Variants in FAM81A observed in about 807,000 individuals in gnomAD.
FAM81A encodes the protein family with sequence similarity 81 member A, also known as protein FAM81A.
A neutral mutation model predicts 46.7 loss-of-function variants in FAM81A; 19 were observed. That is an observed-to-expected ratio of 0.41 (90% CI 0.28 to 0.60). The LOEUF (loss-of-function observed/expected upper bound fraction) is 0.60. Among genes scored for constraint, FAM81A ranks in the 20% least tolerant of loss-of-function variants. FAM81A has a pLI of 0.34. For synonymous variants in FAM81A, 183 were observed against 152.9 expected (o/e 1.20, Z -1.45); for missense variants, 377 against 453.5 (o/e 0.83, Z 1.53).
chr15:59,478,710 A>G (rs1407114048), intron 3 of FAM81A, among the ~76,000 whole-genome samples: 1 of 152,076 alleles, frequency 6.6e-6, no homozygotes, highest in Admixed American at 6.5e-5. Flanking sequence ...TTCGGGGGAG[A>G]AGACAGTAAA....
intron 8 of FAM81A, among the ~76,000 whole-genome samples, chr15:59,517,261 C>T (rs932392187): frequency 8.5e-5 from 13 of 152,118 alleles, no homozygotes; most frequent in Non-Finnish European, 7.3e-5. Context: ...GTCAGCAGGG[C>T]GCATTAATTC....
At chr15:59,467,919 G>A (rs2081635321) in intron 3 of FAM81A, among the ~76,000 whole-genome samples, 4 of 152,134 alleles carry the variant, frequency 2.6e-5, no homozygotes, top group South Asian at 4.2e-4. Context: ...TTAGCACGAC[G>A]GGCTGTTGAA....
intron 8 of FAM81A, among the ~76,000 whole-genome samples, chr15:59,518,324 T>TA (rs1200596572): frequency 7.3e-5 from 11 of 151,340 alleles, no homozygotes; most frequent in African/African-American, 2.7e-4. Context: ...TTTTGGAAAT[T>TA]AAAAAAAATG....
intron 3 of FAM81A, among the ~76,000 whole-genome samples, chr15:59,490,130 C>A (rs1164371107): frequency 2.7e-5 from 4 of 150,526 alleles, no homozygotes; most frequent in Non-Finnish European, 4.4e-5. Flanking sequence ...AAAAAAAAAA[C>A]TTAAATCTAA....
chr15:59,488,144 A>G (rs2141739938), intron 3 of FAM81A, among the ~76,000 whole-genome samples: 1 of 152,334 alleles, frequency 6.6e-6, no homozygotes, highest in African/African-American at 2.4e-5. Flanking sequence ...GTGATACATC[A>G]TATCAACAAA....
At chr15:59,487,178 AT>A (rs1351013415) in intron 3 of FAM81A, among the ~76,000 whole-genome samples, 1 of 147,000 alleles carries the variant, frequency 6.8e-6, no homozygotes, top group African/African-American at 2.5e-5. Context: ...TCCTGAATAT[AT>A]ATATATATTT....
At chr15:59,413,024 G>A (rs1377132814) in intron 2 of FAM81A, among the ~76,000 whole-genome samples, 4 of 152,194 alleles carry the variant, frequency 2.6e-5, no homozygotes, top group African/African-American at 9.6e-5. Flanking sequence ...GATCAAGAGA[G>A]AGAAACCAGA....
intron 8 of FAM81A, 118 bp from the exon 9 acceptor site, chr15:59,521,136 G>C: frequency 8.9e-7 from 1 of 1,127,224 alleles, no homozygotes; most frequent in Non-Finnish European, 1.2e-6. Context: ...TTTCATCCCA[G>C]AGGTTTTAGC....
rs116832548 is a variant in FAM81A, at chr15:59,440,649, A to G, written c.-78+2367A>G. Among the ~76,000 whole-genome samples, 1,301 of 152,130 alleles carry G rather than the reference A, an allele frequency of 8.6e-3. 19 individuals carry two copies. The highest frequency in any genetic ancestry group is 0.029 in the African/African-American group (1,211 of 41,484). Reference sequence around the variant, plus strand: ...CAAGACTAAACCTTTGAGATCTTGAACTCGGACTTCAGCCTACTTAGCTGA... The same window carrying G: ...CAAGACTAAACCTTTGAGATCTTGAGCTCGGACTTCAGCCTACTTAGCTGA... On this transcript the variant is annotated intron_variant, in intron 1 of 8. Transcript: ENST00000288228.
In FAM81A at chr15:59,521,284, C is replaced by T; in HGVS notation, c.1013C>T (p.Ser338Phe). Residue 338 changes from serine (S) to phenylalanine (F), a missense_variant, in exon 9 of 9, where the codon TCC becomes TTC. Coordinates refer to ENST00000288228, the MANE Select transcript of FAM81A (RefSeq NM_152450.3). ...ACAGCCGTCTATGAAAGCATAGGAT[C>T]CCTCAGGCAAGTTCTCGAGGCCAAG... is the stretch of plus-strand genomic sequence containing the variant. ...GFTAVYESIG[S>F]LRQVLEAKMK... The T allele has an allele frequency of 6.2e-7, 1 of 1,613,666 alleles. No individual in the cohort carries two copies. The highest frequency in any genetic ancestry group is 8.5e-7 in the Non-Finnish European group (1 of 1,179,732).
Position 59,489,222 on chromosome 15 carries a change from G to A in FAM81A, c.295-3049G>A, listed in dbSNP as rs145114508. ...GGAGGTTGCAGTGAGCCGAGATTGCGCCACTGCACTCTAGCCGGGACAACA... is the reference window on the plus strand; with the variant it reads ...GGAGGTTGCAGTGAGCCGAGATTGCACCACTGCACTCTAGCCGGGACAACA... On this transcript the variant is annotated intron_variant, in intron 3 of 8. Coordinates refer to ENST00000288228, the MANE Select transcript of FAM81A (RefSeq NM_152450.3). Among the ~76,000 whole-genome samples, 675 of 152,048 alleles carry A rather than the reference G, an allele frequency of 4.4e-3. 3 individuals carry two copies. Among genetic ancestry groups the A allele is most frequent in the African/African-American group, 0.015 (631 of 41,464 alleles).
At chr15:59,500,601 A>G (rs1331764663) in intron 4 of FAM81A, among the ~76,000 whole-genome samples, 1 of 150,754 alleles carries the variant, frequency 6.6e-6, no homozygotes, top group Non-Finnish European at 1.5e-5. Context: ...CATGCCTGGC[A>G]TCTTCTCTCC....
intron 5 of FAM81A, among the ~76,000 whole-genome samples, chr15:59,508,569 C>T (rs2082172773): frequency 6.6e-6 from 1 of 152,168 alleles, no homozygotes; most frequent in South Asian, 2.1e-4. Context: ...ACTATCATGA[C>T]AGCTGGTAGA....
intron 1 of FAM81A, among the ~76,000 whole-genome samples, chr15:59,456,542 C>CT (rs1304004490): frequency 1.3e-5 from 2 of 152,038 alleles, no homozygotes; most frequent in Non-Finnish European, 2.9e-5. Context: ...TCCCCATGTG[C>CT]TTTTTTTCAC....
rs189944180 is a variant in FAM81A at position 59,442,954 on chromosome 15, T to G, written c.-78+4672T>G. ...ATATTTCCTTTTAAAAAGGACATTT[T>G]CTTGTATAAGTGCCAAAATCAGAAA... On this transcript the variant is annotated intron_variant, in intron 1 of 8. Transcript: ENST00000288228. 1.6e-3 allele frequency among the ~76,000 whole-genome samples: 238 copies of G among 152,374 alleles called. 1 individual carries two copies. The highest frequency in any genetic ancestry group is 5.5e-3 in the African/African-American group (229 of 41,590).
At chr15:59,507,418 C>A in intron 5 of FAM81A, 76 bp downstream of exon 5, 1 of 1,540,998 alleles carries the variant, frequency 6.5e-7, no homozygotes, top group Non-Finnish European at 8.8e-7. Flanking sequence ...TTGATTATTT[C>A]TTACAGGAGA....
intron 7 of FAM81A, among the ~76,000 whole-genome samples, chr15:59,516,000 A>G (rs1337584955): frequency 6.6e-6 from 1 of 152,228 alleles, no homozygotes; most frequent in African/African-American, 2.4e-5. Flanking sequence ...CTAGAGCTCC[A>G]GCCATTCTGG....
chr15:59,443,012 G>A (rs62013073), intron 1 of FAM81A, among the ~76,000 whole-genome samples: 1 of 152,124 alleles, frequency 6.6e-6, no homozygotes, highest in Non-Finnish European at 1.5e-5. Flanking sequence ...TAATCAACAG[G>A]CCTTATTCAT....
chr15:59,465,664 C>T (rs866823638), intron 3 of FAM81A, among the ~76,000 whole-genome samples: 2 of 152,066 alleles, frequency 1.3e-5, no homozygotes, highest in Non-Finnish European at 2.9e-5. Flanking sequence ...GTGCAGAGAA[C>T]ATCCTTTTTG....
Sources: allele counts gnomAD v4.1 joint callset (sites outside exome capture counted in the v4.1 genomes callset), GRCh38; gene constraint gnomAD v4.1.1; transcripts MANE v1.5; gene names NCBI Gene and HGNC (gene_info 2026-07-23, HGNC 2026-07-21).